CCDC171: variants seen among roughly 807,000 people sequenced by gnomAD.
CCDC171 encodes the protein coiled-coil domain-containing protein 171.
In CCDC171, 177 loss-of-function variants were observed where a neutral mutation model predicts 168.2. That is an observed-to-expected ratio of 1.05 (90% CI 0.93 to 1.19). CCDC171 has a LOEUF of 1.19. Among genes scored for constraint, CCDC171 ranks in the 50% most tolerant of loss-of-function variants. The pLI, the probability that CCDC171 is intolerant of heterozygous loss-of-function variation, is 0.00. For missense variants in CCDC171, 1,991 were observed against 1,539.0 expected (o/e 1.29, Z -4.91); for synonymous variants, 687 against 540.8 (o/e 1.27, Z -3.75).
At chr9:15,606,718 A>G (rs921942469) in intron 6 of CCDC171, among the ~76,000 whole-genome samples, 1 of 152,208 alleles carries the variant, frequency 6.6e-6, no homozygotes, top group Non-Finnish European at 1.5e-5. Context: ...TTTTTGGGCT[A>G]CGTTTCTGGA....
rs182131672 is a variant in CCDC171 at position 15,818,855 on chromosome 9, A to G, written c.3268-27847A>G. Among the ~76,000 whole-genome samples, 26 of 116,008 alleles carry G rather than the reference A, an allele frequency of 2.2e-4. 6 individuals are homozygous for G. The highest frequency in any genetic ancestry group is 2.1e-3 in the Admixed American group (26 of 12,158). The allele number at this position is 116,008 out of a possible 152,430, so 76.1% of individuals were successfully genotyped here. A position where few individuals can be genotyped will look rare whatever the true frequency, so the allele number is the denominator to read the frequency against. ...GAAATACAGAGAACGCCACAAAAAT[A>G]CTCCTCGAGAAGAGCAACTCTGAGA... On this transcript the variant is annotated intron_variant, in intron 21 of 25. Coordinates refer to ENST00000380701, the MANE Select transcript of CCDC171 (RefSeq NM_173550.4).
chr9:15,748,475 C>G (rs2055461234), intron 18 of CCDC171, among the ~76,000 whole-genome samples: 1 of 152,058 alleles, frequency 6.6e-6, no homozygotes, highest in Non-Finnish European at 1.5e-5. Context: ...ACAGAGAACA[C>G]CACAAAGATA....
intron 7 of CCDC171, among the ~76,000 whole-genome samples, chr9:15,627,443 T>C (rs1476809177): frequency 1.3e-5 from 2 of 152,196 alleles, no homozygotes; most frequent in Non-Finnish European, 2.9e-5. Context: ...CTGCTTTCTC[T>C]TGTGGGCATT....
At chr9:15,788,757 G>A (rs2058098181) in intron 21 of CCDC171, among the ~76,000 whole-genome samples, 1 of 152,026 alleles carries the variant, frequency 6.6e-6, no homozygotes, top group South Asian at 2.1e-4. Context: ...TGCCTATGTT[G>A]CCCAGTCCTG....
intron 6 of CCDC171, among the ~76,000 whole-genome samples, chr9:15,610,235 T>G (rs1269335264): frequency 6.6e-6 from 1 of 151,322 alleles, no homozygotes; most frequent in Non-Finnish European, 1.5e-5. Context: ...TTCTTTCTTC[T>G]TGTTTTTGAG....
upstream of CCDC171, among the ~76,000 whole-genome samples, chr9:16,039,715 C>T (rs1253428441): frequency 6.6e-6 from 1 of 152,140 alleles, no homozygotes; most frequent in African/African-American, 2.4e-5. Context: ...AGATGTGACC[C>T]AGAATTTGCA....
At position 15,819,494 on chromosome 9, in the gene CCDC171, G is replaced by A. The variant is rs1225208423; in HGVS notation, c.3268-27208G>A. Reference sequence around the variant, plus strand: ...GACTCAAAATAAAGGGATGGAGGAAGATCTACCAAGCAAATGGAAAACAAA... The same window carrying A: ...GACTCAAAATAAAGGGATGGAGGAAAATCTACCAAGCAAATGGAAAACAAA... On this transcript the variant is annotated intron_variant, in intron 21 of 25. Coordinates refer to ENST00000380701, the MANE Select transcript of CCDC171 (RefSeq NM_173550.4). Among the ~76,000 whole-genome samples the A allele has an allele frequency of 3.4e-5, 4 of 116,918 alleles. 1 individual carries two copies. The highest frequency in any genetic ancestry group is 2.2e-4 in the East Asian group (1 of 4,650). The allele number at this position is 116,918 out of a possible 152,430, so 76.7% of individuals were successfully genotyped here. A position where few individuals can be genotyped will look rare whatever the true frequency, so the allele number is the denominator to read the frequency against.
intron 4 of CCDC171, chr9:15,587,679 C>G (rs1466959845): frequency 2.2e-6 from 1 of 456,650 alleles, no homozygotes; most frequent in Admixed American, 2.3e-5. Context: ...CACCTTGAAG[C>G]TCAGATTCTA....
chr9:15,710,529 C>T (rs2052581295), intron 11 of CCDC171, among the ~76,000 whole-genome samples: 2 of 152,082 alleles, frequency 1.3e-5, no homozygotes, highest in African/African-American at 4.8e-5. Flanking sequence ...TCTCAATCTC[C>T]TGACCTCATG....
chr9:15,994,819 A>T (rs983344946), intron 3 of CCDC171, among the ~76,000 whole-genome samples: 2 of 152,192 alleles, frequency 1.3e-5, no homozygotes, highest in Non-Finnish European at 2.9e-5. Context: ...CTGGAGCCTC[A>T]TTATCTATTT....
At chr9:15,901,253 A>G (rs1236602464) in intron 24 of CCDC171, among the ~76,000 whole-genome samples, 3 of 152,178 alleles carry the variant, frequency 2.0e-5, no homozygotes, top group Admixed American at 2.0e-4. Context: ...ATTTTGTGTG[A>G]TACTAATAAT....
Position 15,816,325 on chromosome 9 carries a change from TTAAG to T in CCDC171, c.3268-30372_3268-30369del, listed in dbSNP as rs1273092539. 2.0e-4 allele frequency among the ~76,000 whole-genome samples: 23 copies of T among 117,826 alleles called. 8 individuals are homozygous for T. Among genetic ancestry groups the T allele is most frequent in the African/African-American group, 3.8e-4 (12 of 31,560 alleles). 77.3% of individuals were successfully genotyped at this position (117,826 alleles called of 152,430 possible). A position where few individuals can be genotyped will look rare whatever the true frequency, so the allele number is the denominator to read the frequency against. On this transcript the variant is annotated intron_variant, in intron 21 of 25. Coordinates refer to ENST00000380701, the MANE Select transcript of CCDC171 (RefSeq NM_173550.4). ...TATTAGTTTTTTAAATTAAACCTGCTTAAGTAAGAAAAAAATTAAAAACATGGAC... is the reference window on the plus strand; with the variant it reads ...TATTAGTTTTTTAAATTAAACCTGCTTAAGAAAAAAATTAAAAACATGGAC...
At chr9:16,016,571 T>C (rs1256520448) in intron 3 of CCDC171, among the ~76,000 whole-genome samples, 1 of 152,158 alleles carries the variant, frequency 6.6e-6, no homozygotes, top group East Asian at 1.9e-4. Context: ...ATGAGGTCGG[T>C]GAGCCACTTC....
intron 11 of CCDC171, among the ~76,000 whole-genome samples, chr9:15,720,101 A>C (rs910783508): frequency 1.3e-5 from 2 of 150,674 alleles, no homozygotes; most frequent in East Asian, 3.9e-4. Context: ...TTAAAGAAAA[A>C]CCAAGTTGTA....
chr9:15,752,289 C>G (rs1054920449), intron 18 of CCDC171, among the ~76,000 whole-genome samples: 1 of 152,180 alleles, frequency 6.6e-6, no homozygotes. Context: ...AATAGGTACG[C>G]TGTTACACTG....
rs1831364109 is a variant in CCDC171, at chr9:15,971,625, A to G, written c.3770A>G (p.His1257Arg). The change falls in exon 26 of 26, where the codon CAT becomes CGT. Residue 1257 changes from histidine (H) to arginine (R), a missense_variant. Transcript: ENST00000380701. ...ATGTCACAGATAGGATCACGAGACC[A>G]TTCAAATCTCTCCATTCCTTCAAGA... ...ASLQSIGSRD[H>R]SNLSIPSRAP... 2 of 1,612,878 alleles carry G rather than the reference A, an allele frequency of 1.2e-6. No homozygotes were observed. Among genetic ancestry groups the G allele is most frequent in the East Asian group, 2.2e-5 (1 of 44,862 alleles).
intron 2 of CCDC171, among the ~76,000 whole-genome samples, chr9:15,569,814 C>CA (rs1330186462): frequency 7.6e-4 from 71 of 92,962 alleles, no homozygotes; most frequent in African/African-American, 1.9e-3. Flanking sequence ...GACTCCGTCT[C>CA]AAAAAAAAAC....
chr9:15,627,611 C>T (rs1034430961), intron 7 of CCDC171, among the ~76,000 whole-genome samples: 4 of 152,128 alleles, frequency 2.6e-5, no homozygotes, highest in Non-Finnish European at 5.9e-5. Flanking sequence ...GTTCAGTTTC[C>T]ACGTAGTTGA....
At chr9:15,746,776 T>G (rs942421559) in intron 18 of CCDC171, among the ~76,000 whole-genome samples, 1 of 151,782 alleles carries the variant, frequency 6.6e-6, no homozygotes, top group Non-Finnish European at 1.5e-5. Context: ...CCACGGAGGG[T>G]GAGCTGAAGC....
Sources: allele counts gnomAD v4.1 joint callset (sites outside exome capture counted in the v4.1 genomes callset), GRCh38; gene constraint gnomAD v4.1.1; transcripts MANE v1.5; gene names NCBI Gene and HGNC (gene_info 2026-07-23, HGNC 2026-07-21).